The following CA10 variants were observed in gnomAD, a reference collection of about 807,000 sequenced individuals.
CA10 encodes the protein carbonic anhydrase-related protein 10.
A neutral mutation model predicts 44.2 loss-of-function variants in CA10; 14 were observed. That is an observed-to-expected ratio of 0.32 (90% CI 0.21 to 0.50). The LOEUF is 0.50. Among genes scored for constraint, CA10 ranks in the 20% least tolerant of loss-of-function variants. The pLI is 0.99. For missense variants in CA10, 350 were observed against 409.7 expected, an observed-to-expected ratio of 0.85 and a Z score of 1.26; for synonymous variants, 159 against 141.6, an observed-to-expected ratio of 1.12 and a Z score of -0.87.
chr17:51,963,659 TG>T (rs1983975410), intron 2 of CA10, among the ~76,000 whole-genome samples: 1 of 152,130 alleles, frequency 6.6e-6, no homozygotes, highest in Non-Finnish European at 1.5e-5. Context: ...TCACAACTTG[TG>T]AAATTAAGCT....
intron 1 of CA10, among the ~76,000 whole-genome samples, chr17:52,116,194 T>C (rs1001357058): frequency 6.6e-6 from 1 of 152,168 alleles, no homozygotes; most frequent in Non-Finnish European, 1.5e-5. Context: ...TAAACTATTA[T>C]TATTTTCTTC....
chr17:51,654,128 G>A (rs1455298900), intron 4 of CA10, among the ~76,000 whole-genome samples: 1 of 152,198 alleles, frequency 6.6e-6, no homozygotes, highest in African/African-American at 2.4e-5. Context: ...CTGGCAGCCA[G>A]TAAATCTTCC....
At chr17:51,720,479 C>T (rs1456329926) in intron 4 of CA10, among the ~76,000 whole-genome samples, 1 of 152,158 alleles carries the variant, frequency 6.6e-6, no homozygotes. Context: ...ATCCACCAGT[C>T]TGAAAACTGG....
chr17:51,660,375 A>G (rs1913956078), intron 4 of CA10, among the ~76,000 whole-genome samples: 2 of 152,230 alleles, frequency 1.3e-5, no homozygotes, highest in Non-Finnish European at 2.9e-5. Flanking sequence ...GCCTTTGGTG[A>G]CCGGTAACTC....
At chr17:51,982,964 A>G (rs1984701336) in intron 2 of CA10, among the ~76,000 whole-genome samples, 1 of 151,948 alleles carries the variant, frequency 6.6e-6, no homozygotes, top group South Asian at 2.1e-4. Context: ...AGATAATTTC[A>G]GCTTAAGATA....
intron 1 of CA10, among the ~76,000 whole-genome samples, chr17:52,152,380 C>T (rs1989721750): frequency 6.6e-6 from 1 of 152,112 alleles, no homozygotes; most frequent in Non-Finnish European, 1.5e-5. Context: ...TTTCCAGTAT[C>T]TCCCAAAGTG....
intron 3 of CA10, among the ~76,000 whole-genome samples, chr17:51,791,752 C>G (rs988971838): frequency 6.6e-6 from 1 of 152,158 alleles, no homozygotes; most frequent in Non-Finnish European, 1.5e-5. Context: ...AGTTAACTAC[C>G]TAAGTGAATG....
chr17:52,107,119 A>G (rs965508), intron 1 of CA10, among the ~76,000 whole-genome samples: 98,070 of 152,070 alleles, frequency 0.64, 33,870 homozygotes, highest in African/African-American at 0.89. Flanking sequence ...CCTCTCATCT[A>G]TGAAAGGAGA....
At chr17:52,006,405 T>C (rs1356084094) in intron 2 of CA10, among the ~76,000 whole-genome samples, 1 of 151,918 alleles carries the variant, frequency 6.6e-6, no homozygotes, top group Non-Finnish European at 1.5e-5. Flanking sequence ...TAATGCCATG[T>C]GCTTCTACTC....
intron 3 of CA10, among the ~76,000 whole-genome samples, chr17:51,808,972 T>C (rs1907248434): frequency 6.6e-6 from 1 of 152,172 alleles, no homozygotes; most frequent in Admixed American, 6.5e-5. Flanking sequence ...TGTATTCTGT[T>C]TTTCAAAGCT....
intron 3 of CA10, among the ~76,000 whole-genome samples, chr17:51,929,454 C>T (rs1339401134): frequency 6.6e-6 from 1 of 152,124 alleles, no homozygotes; most frequent in African/African-American, 2.4e-5. Context: ...ATCTTGCAAG[C>T]CTCTCTTCGC....
intron 4 of CA10, among the ~76,000 whole-genome samples, chr17:51,712,451 T>C (rs1042853834): frequency 6.6e-6 from 1 of 152,236 alleles, no homozygotes; most frequent in Non-Finnish European, 1.5e-5. Flanking sequence ...TCTCATAAAA[T>C]GTTTTTCTTT....
chr17:52,058,697 C>T (rs1485638378), intron 2 of CA10, among the ~76,000 whole-genome samples: 1 of 152,164 alleles, frequency 6.6e-6, no homozygotes, highest in Non-Finnish European at 1.5e-5. Flanking sequence ...CTGGCAGATG[C>T]CTATTCATCT....
At chr17:51,687,467 T>C (rs527621631) in intron 4 of CA10, among the ~76,000 whole-genome samples, 1 of 152,310 alleles carries the variant, frequency 6.6e-6, no homozygotes, top group South Asian at 2.1e-4. Context: ...TGGCACATAC[T>C]AGGTGCTCAA....
At chr17:51,970,770 A>C (rs1274757810) in intron 2 of CA10, among the ~76,000 whole-genome samples, 1 of 152,120 alleles carries the variant, frequency 6.6e-6, no homozygotes, top group Non-Finnish European at 1.5e-5. Flanking sequence ...ATCACAGAGA[A>C]GTTTCATTTG....
At chr17:51,851,253 C>G (rs1479972979) in intron 3 of CA10, among the ~76,000 whole-genome samples, 1 of 152,196 alleles carries the variant, frequency 6.6e-6, no homozygotes, top group East Asian at 1.9e-4. Flanking sequence ...AGATAGTACT[C>G]AACTCCACAG....
intron 1 of CA10, among the ~76,000 whole-genome samples, chr17:52,143,797 C>T (rs772161388): frequency 1.1e-4 from 17 of 152,088 alleles, no homozygotes; most frequent in Admixed American, 3.3e-4. Context: ...CCTCTACCAA[C>T]GAGCTTGGAG....
At chr17:52,021,740 GA>G (rs1350886449) in intron 2 of CA10, among the ~76,000 whole-genome samples, 1 of 152,008 alleles carries the variant, frequency 6.6e-6, no homozygotes, top group Non-Finnish European at 1.5e-5. Flanking sequence ...CAATCCCACA[GA>G]AACACAAAAG....
chr17:51,658,079 G>A (rs923519431), intron 4 of CA10, among the ~76,000 whole-genome samples: 2 of 152,134 alleles, frequency 1.3e-5, no homozygotes, highest in African/African-American at 2.4e-5. Context: ...ATGGCAGGCA[G>A]TCTTCCAGGG....
Sources: gnomAD v4.1 joint callset for allele counts (sites outside exome capture counted in the v4.1 genomes callset) on GRCh38, gnomAD v4.1.1 for gene constraint, MANE v1.5 for transcripts, NCBI Gene and HGNC (gene_info 2026-07-23, HGNC 2026-07-21) for gene names.